Variants in KCNK1 observed in about 807,000 individuals in gnomAD.
KCNK1 encodes potassium channel subfamily K member 1.
Under a neutral mutation model 22.2 loss-of-function variants are expected in KCNK1, and 10 were observed. That is an observed-to-expected ratio of 0.45 (90% CI 0.28 to 0.76). The LOEUF is 0.76. Ranked by LOEUF, KCNK1 falls within the 30% of genes least tolerant of loss-of-function variation. The probability of loss-of-function intolerance (pLI) is 0.14; values close to 1 mark genes in which losing one functional copy is unlikely to be tolerated. For synonymous variants in KCNK1, 200 were observed against 186.4 expected, an observed-to-expected ratio of 1.07 and a Z score of -0.60; for missense variants, 378 against 421.0, an observed-to-expected ratio of 0.90 and a Z score of 0.89.
intron 1 of KCNK1, among the ~76,000 whole-genome samples, chr1:233,632,972 T>C (rs1657832740): frequency 6.6e-6 from 1 of 152,018 alleles, no homozygotes; most frequent in South Asian, 2.1e-4. Context: ...GTTTTCTCAG[T>C]GTCTTGTGTC....
At chr1:233,643,342 G>A (rs1055752784) in intron 1 of KCNK1, among the ~76,000 whole-genome samples, 6 of 152,098 alleles carry the variant, frequency 3.9e-5, no homozygotes, top group African/African-American at 1.4e-4. Context: ...AATGGCCAAT[G>A]GGCATGTTCG....
intron 1 of KCNK1, among the ~76,000 whole-genome samples, chr1:233,659,266 G>T (rs1434559389): frequency 3.3e-5 from 5 of 150,916 alleles, no homozygotes; most frequent in African/African-American, 9.7e-5. Flanking sequence ...CCTACACAGG[G>T]TCAGGATCTT....
In KCNK1 at chr1:233,621,563, A is replaced by G. The variant is rs552004443; in HGVS notation, c.355+7037A>G. Among the ~76,000 whole-genome samples, 46 of 152,328 alleles carry G rather than the reference A, an allele frequency of 3.0e-4. No homozygotes were observed. In the South Asian group the frequency reaches 3.1e-3, roughly 10 times the overall value. On this transcript the variant is annotated intron_variant, in intron 1 of 2. Coordinates refer to ENST00000366621, the MANE Select transcript of KCNK1 (RefSeq NM_002245.4). ...AATCCACGTCCTTGAATCATCAAGA[A>G]AAATATCTCAACATGTTTCTACTTA...
chr1:233,648,234 C>T (rs1204249436), intron 1 of KCNK1, among the ~76,000 whole-genome samples: 1 of 152,160 alleles, frequency 6.6e-6, no homozygotes, highest in Non-Finnish European at 1.5e-5. Context: ...CTAGAACTTC[C>T]TACTGAGGTT....
intron 1 of KCNK1, among the ~76,000 whole-genome samples, chr1:233,641,480 C>T (rs1373943985): frequency 6.6e-6 from 1 of 152,114 alleles, no homozygotes; most frequent in Non-Finnish European, 1.5e-5. Context: ...CTGCAGTAAA[C>T]AAAAATCCCA....
At chr1:233,647,095 A>C (rs193167534) in intron 1 of KCNK1, among the ~76,000 whole-genome samples, 1 of 152,204 alleles carries the variant, frequency 6.6e-6, no homozygotes, top group Non-Finnish European at 1.5e-5. Flanking sequence ...GCAGATGTTT[A>C]ATCTTCTGGA....
intron 1 of KCNK1, among the ~76,000 whole-genome samples, chr1:233,621,076 C>T (rs1173078228): frequency 2.0e-5 from 3 of 152,206 alleles, no homozygotes; most frequent in Non-Finnish European, 4.4e-5. Context: ...AGAACCTGAG[C>T]TTTAATAGCA....
intron 1 of KCNK1, among the ~76,000 whole-genome samples, chr1:233,635,224 A>G (rs1657877587): frequency 6.6e-6 from 1 of 152,210 alleles, no homozygotes; most frequent in Admixed American, 6.5e-5. Context: ...ACTTGGTTGG[A>G]TGGGGAATAT....
intron 2 of KCNK1, among the ~76,000 whole-genome samples, chr1:233,667,972 T>TAAAG (rs1374310190): frequency 1.3e-5 from 2 of 152,198 alleles, no homozygotes; most frequent in Non-Finnish European, 2.9e-5. Flanking sequence ...GTTTCCAGAA[T>TAAAG]TTTGTGTGTG....
chr1:233,640,893 C>G (rs1010059792), intron 1 of KCNK1, among the ~76,000 whole-genome samples: 1 of 152,164 alleles, frequency 6.6e-6, no homozygotes, highest in South Asian at 2.1e-4. Flanking sequence ...TTAGTAGAAA[C>G]GGGGTTTTGC....
chr1:233,660,397 A>T (rs1173868560), intron 1 of KCNK1: 2 of 152,206 alleles, frequency 1.3e-5, no homozygotes, highest in East Asian at 3.8e-4. Context: ...CACTGATATT[A>T]ATTATTGCCA....
intron 1 of KCNK1, chr1:233,650,038 A>G (rs1488993422): frequency 1.9e-6 from 1 of 533,442 alleles, no homozygotes; most frequent in Admixed American, 1.9e-5. Flanking sequence ...AACTTCCCTG[A>G]GAGTACACCA....
At chr1:233,621,444 A>G (rs541581855) in intron 1 of KCNK1, among the ~76,000 whole-genome samples, 26 of 152,366 alleles carry the variant, frequency 1.7e-4, no homozygotes, top group African/African-American at 5.0e-4. Context: ...CAAATAGTGG[A>G]GGACAAGAGA....
intron 1 of KCNK1, among the ~76,000 whole-genome samples, chr1:233,635,662 A>T (rs1397760080): frequency 6.6e-6 from 1 of 152,186 alleles, no homozygotes; most frequent in Non-Finnish European, 1.5e-5. Flanking sequence ...TCATTTGCTG[A>T]TCCATTTATT....
intron 1 of KCNK1, among the ~76,000 whole-genome samples, chr1:233,634,539 A>G (rs1657863433): frequency 1.3e-5 from 2 of 152,122 alleles, no homozygotes; most frequent in South Asian, 4.1e-4. Context: ...CAGTACAGGT[A>G]CTCAAACCCA....
chr1:233,619,093 C>T (rs1470884726), intron 1 of KCNK1, among the ~76,000 whole-genome samples: 1 of 152,116 alleles, frequency 6.6e-6, no homozygotes, highest in Admixed American at 6.6e-5. Context: ...TCGTGGGTCA[C>T]TTCAGCCTCT....
In KCNK1 at chr1:233,666,716, C is replaced by A. The variant is rs143943031; in HGVS notation, c.477C>A (p.His159Gln). 6.2e-7 allele frequency: 1 copy of A among 1,613,980 alleles called. No homozygotes were observed. Among genetic ancestry groups the A allele is most frequent in the African/African-American group, 1.3e-5 (1 of 74,896 alleles). ...LTAVVQRITV[H>Q]VTRRPVLYFH... ...CTGTGGTCCAGCGCATCACCGTGCA[C>A]GTCACCCGCAGGCCGGTCCTCTACT... The change falls in exon 2 of 3, where the codon CAC (histidine) becomes CAA (glutamine). Residue 159 changes from histidine (H) to glutamine (Q), a missense_variant. His to Gln is a conservative substitution (Grantham distance 24). Coordinates refer to ENST00000366621, the MANE Select transcript of KCNK1 (RefSeq NM_002245.4).
At chr1:233,655,202 T>C (rs1291999925) in intron 1 of KCNK1, among the ~76,000 whole-genome samples, 1 of 152,224 alleles carries the variant, frequency 6.6e-6, no homozygotes, top group Admixed American at 6.5e-5. Flanking sequence ...CTATCCTTTC[T>C]TCTTTTCTTT....
Position 233,671,284 on chromosome 1 carries a change from T to C in KCNK1, c.765T>C (p.Leu255=). Reference sequence around the variant, plus strand: ...TTTCTCACACAGGTTACCTGCTACTTGGCCTTATTGCCATGTTGGTAGTTC... The same window carrying C: ...TTTCTCACACAGGTTACCTGCTACTCGGCCTTATTGCCATGTTGGTAGTTC... The part of the protein sequence containing the change: ...YKIGITCYLL[L]GLIAMLVVLE... The change falls in exon 3 of 3, where the codon CTT becomes CTC. Residue 255 remains leucine (L), a synonymous_variant. Transcript: ENST00000366621. 1 of 1,614,206 alleles carries C rather than the reference T, an allele frequency of 6.2e-7. No homozygotes were observed. Among genetic ancestry groups the C allele is most frequent in the Non-Finnish European group, 8.5e-7 (1 of 1,180,018 alleles).
Sources: allele counts gnomAD v4.1 joint callset (sites outside exome capture counted in the v4.1 genomes callset), GRCh38; gene constraint gnomAD v4.1.1; transcripts MANE v1.5; gene names NCBI Gene and HGNC (gene_info 2026-07-23, HGNC 2026-07-21).